MYOM3: variants seen among roughly 807,000 people sequenced by gnomAD.
The protein encoded by MYOM3 is myomesin 3.
Under a neutral mutation model 191.7 loss-of-function variants are expected in MYOM3, and 155 were observed. That is an observed-to-expected ratio of 0.81 (90% CI 0.71 to 0.92). The LOEUF (loss-of-function observed/expected upper bound fraction) is 0.92. MYOM3 is among the 40% of genes least tolerant of loss of function. The probability of loss-of-function intolerance (pLI) is 0.00; values close to 1 mark genes in which losing one functional copy is unlikely to be tolerated. For synonymous variants in MYOM3, 757 were observed against 762.9 expected, an observed-to-expected ratio of 0.99 and a Z score of 0.13; for missense variants, 1,889 against 1,890.6, an observed-to-expected ratio of 1.00 and a Z score of 0.02.
intron 3 of MYOM3, among the ~76,000 whole-genome samples, chr1:24,107,614 T>TCTCCACGC (rs1296077742): frequency 6.6e-6 from 1 of 152,092 alleles, no homozygotes; most frequent in East Asian, 1.9e-4. Context: ...GAACGCTGCC[T>TCTCCACGC]CTCCACGCCG....
rs1643897070 is a variant in MYOM3 at position 24,099,577 on chromosome 1, G to A, written c.656+103C>T. On this transcript the variant is annotated intron_variant, in intron 6 of 36. Transcript: ENST00000374434. Reference sequence around the variant, plus strand: ...CAGCACCCTAGAGACTTCTGAAGGAGGTGAACTTGGGCCTCAGCTCCGAGG... The same window carrying A: ...CAGCACCCTAGAGACTTCTGAAGGAAGTGAACTTGGGCCTCAGCTCCGAGG... 3 of 876,460 alleles carry A rather than the reference G, an allele frequency of 3.4e-6. No homozygotes were observed. In the African/African-American group the frequency reaches 5.0e-5, roughly 15 times the overall value. 54.3% of individuals were successfully genotyped at this position (876,460 alleles called of 1,614,324 possible).
In MYOM3 at chr1:24,108,043, G is replaced by A. The variant is rs980311382; in HGVS notation, c.192C>T (p.Asp64=). The change falls in exon 3 of 37, where the codon GAC becomes GAT. Residue 64 remains aspartate (D), a synonymous_variant. Coordinates refer to ENST00000374434, the MANE Select transcript of MYOM3 (RefSeq NM_152372.4). ...SEEEHEFSAA[D]YALAAALALT... ...GAGCCAGGGCTGCTGCCAGGGCGTAGTCCGCGGCGCTGAACTCATGCTCTT... is the reference window on the plus strand; with the variant it reads ...GAGCCAGGGCTGCTGCCAGGGCGTAATCCGCGGCGCTGAACTCATGCTCTT... 9 of 1,613,784 alleles carry A rather than the reference G, an allele frequency of 5.6e-6. No homozygotes were observed. The Admixed American group carries it at 1.3e-4, about 24-fold the overall frequency.
chr1:24,069,537 CT>C (rs552799727), intron 25 of MYOM3, among the ~76,000 whole-genome samples: 1 of 151,678 alleles, frequency 6.6e-6, no homozygotes, highest in Non-Finnish European at 1.5e-5. Context: ...TTTCTTTCTT[CT>C]TTTTTTTGTC....
chr1:24,106,922 G>T (rs898487117), intron 4 of MYOM3, 151 bp downstream of exon 4: 1 of 749,098 alleles, frequency 1.3e-6, no homozygotes, highest in Non-Finnish European at 2.1e-6. Flanking sequence ...GCTTGCCCGG[G>T]GTCACACCAC....
At chr1:24,106,585 A>T (rs561585503) in intron 4 of MYOM3, among the ~76,000 whole-genome samples, 27 of 152,090 alleles carry the variant, frequency 1.8e-4, no homozygotes, top group South Asian at 4.2e-4. Flanking sequence ...CTTTATTTTT[A>T]TTATTATTAT....
Position 24,067,332 on chromosome 1 carries a change from CTTTCTTTCT to C in MYOM3, c.3356-253_3356-245del, listed in dbSNP as rs1557602348. 3.1e-4 allele frequency among the ~76,000 whole-genome samples: 21 copies of C among 68,560 alleles called. 1 individual carries two copies. Among genetic ancestry groups the C allele is most frequent in the Non-Finnish European group, 4.5e-4 (15 of 33,186 alleles). The allele number at this position is 68,560 out of a possible 152,430, so 45.0% of individuals were successfully genotyped here. A position where few individuals can be genotyped will look rare whatever the true frequency, so the allele number is the denominator to read the frequency against. On this transcript the variant is annotated intron_variant, in intron 27 of 36. Transcript: ENST00000374434. ...TCTTTCTTTCTTTCTTTCCTTCTTT[CTTTCTTTCT>C]TTCTTTCTTTCTTTCTTTCTTTCTT...
chr1:24,066,617 G>A (rs1431696671), intron 28 of MYOM3: 1 of 356,922 alleles, frequency 2.8e-6, no homozygotes, highest in African/African-American at 2.1e-5. Context: ...TCTCATCTAT[G>A]AAGTGAGGAT....
chr1:24,098,114 A>C (rs1643888364), intron 6 of MYOM3, 103 bp from the exon 7 acceptor site: 5 of 788,186 alleles, frequency 6.3e-6, no homozygotes, highest in South Asian at 5.7e-5. Context: ...GGAAAGCCTC[A>C]CGGTGCCAGG....
chr1:24,098,503 C>A (rs1458573460), intron 6 of MYOM3, among the ~76,000 whole-genome samples: 1 of 152,228 alleles, frequency 6.6e-6, no homozygotes, highest in Non-Finnish European at 1.5e-5. Context: ...ACCAACCAGG[C>A]CAACCCTGTC....
Position 24,062,979 on chromosome 1 carries a change from C to G in MYOM3, c.3770+147G>C. 9.9e-6 allele frequency: 6 copies of G among 604,758 alleles called. No homozygotes were observed. The South Asian group carries it at 1.0e-4, about 11-fold the overall frequency. 37.5% of individuals were successfully genotyped at this position (604,758 alleles called of 1,614,324 possible). On this transcript the variant is annotated intron_variant, in intron 32 of 36. Transcript: ENST00000374434. ...CAGCAAGACCAGGAAGAGACTCTGT[C>G]TCTGCTAACCCCTGGGACCAGGCTC... is the stretch of plus-strand genomic sequence containing the variant.
chr1:24,068,163 G>T, intron 26 of MYOM3, 60 bp downstream of exon 26: 2 of 1,236,212 alleles, frequency 1.6e-6, no homozygotes, highest in Non-Finnish European at 2.2e-6. Context: ...TGCAGGGCAG[G>T]CCAGGTGTGC....
chr1:24,094,856 C>G lies in MYOM3; in HGVS notation c.925G>C (p.Asp309His). 6.2e-7 allele frequency: 1 copy of G among 1,611,402 alleles called. No individual in the cohort carries two copies. Among genetic ancestry groups the G allele is most frequent in the Non-Finnish European group, 8.5e-7 (1 of 1,178,548 alleles). The part of the protein sequence containing the change: ...LDAESIQWFR[D>H]GSLLRSSRRR... ...GGCCAGGACTGGGGGTCCTTACCATCTCGGAACCACTGGATGCTCTCAGCA... is the reference window on the plus strand; with the variant it reads ...GGCCAGGACTGGGGGTCCTTACCATGTCGGAACCACTGGATGCTCTCAGCA... The change falls in exon 9 of 37, where the codon GAT (aspartate) becomes CAT (histidine). Residue 309 changes from aspartate to histidine, a missense_variant. By Grantham distance (81) the Asp-to-His change is moderately conservative. Coordinates refer to ENST00000374434, the MANE Select transcript of MYOM3 (RefSeq NM_152372.4).
intron 20 of MYOM3, among the ~76,000 whole-genome samples, chr1:24,076,537 G>A (rs74487232): frequency 0.024 from 855 of 35,960 alleles, 44 homozygotes; most frequent in African/African-American, 0.038. Context: ...TTTTTGAGAC[G>A]GAGTCTCGCT....
At chr1:24,104,275 G>T (rs1346738431) in intron 5 of MYOM3, among the ~76,000 whole-genome samples, 2 of 152,146 alleles carry the variant, frequency 1.3e-5, no homozygotes, top group African/African-American at 4.8e-5. Context: ...TAGACCATAG[G>T]CTGTTCCCTG....
intron 28 of MYOM3, 161 bp downstream of exon 28, chr1:24,066,860 G>A: frequency 1.6e-6 from 1 of 630,608 alleles, no homozygotes; most frequent in South Asian, 2.4e-5. Flanking sequence ...TGCTTTTTGG[G>A]TTACGTGTGG....
Position 24,081,375 on chromosome 1 carries a change from G to A in MYOM3, c.2362C>T (p.Pro788Ser), listed in dbSNP as rs376000660. ...NWAGVGELSA[P>S]SSLFECKEWT... Reference sequence around the variant, plus strand: ...TCTTTGCACTCAAACAGGCTGCTGGGTGCCGACAGCTCGCCAACACCTGCC... The same window carrying A: ...TCTTTGCACTCAAACAGGCTGCTGGATGCCGACAGCTCGCCAACACCTGCC... Residue 788 changes from proline to serine, a missense_variant, in exon 19 of 37, where the codon CCC (proline) becomes TCC (serine). Physicochemically the swap from Pro to Ser is moderately conservative, Grantham distance 74. Transcript: ENST00000374434. 7 of 1,614,048 alleles carry A rather than the reference G, an allele frequency of 4.3e-6. No homozygotes were observed. In the South Asian group the frequency reaches 5.5e-5, roughly 13 times the overall value.
At chr1:24,075,177 C>T (rs572187681) in intron 22 of MYOM3, 142 bp downstream of exon 22, 16 of 743,402 alleles carry the variant, frequency 2.2e-5, no homozygotes, top group South Asian at 1.6e-4. Flanking sequence ...TGGCAGTCAG[C>T]GTCCTCAGTG....
At chr1:24,092,710 C>CA (rs1011039595) in intron 10 of MYOM3, among the ~76,000 whole-genome samples, 2 of 152,186 alleles carry the variant, frequency 1.3e-5, no homozygotes, top group African/African-American at 4.8e-5. Context: ...TCCAGCCCCA[C>CA]ACTCAGCTCC....
At position 24,065,878 on chromosome 1, in the gene MYOM3, G is replaced by T; in HGVS notation, c.3534+13C>A. The T allele has an allele frequency of 6.4e-7, 1 of 1,573,886 alleles. No individual in the cohort carries two copies. The highest frequency in any genetic ancestry group is 8.7e-7 in the Non-Finnish European group (1 of 1,143,240). On this transcript the variant is annotated intron_variant, in intron 29 of 36. Transcript: ENST00000374434. ...AAGGAGAAAGTGAGCCCTGAAGCTGGAGCCACACTTGCCTCTTCAATGCAG... is the reference window on the plus strand; with the variant it reads ...AAGGAGAAAGTGAGCCCTGAAGCTGTAGCCACACTTGCCTCTTCAATGCAG...
Sources: allele counts gnomAD v4.1 joint callset (sites outside exome capture counted in the v4.1 genomes callset), GRCh38; gene constraint gnomAD v4.1.1; transcripts MANE v1.5; gene names NCBI Gene and HGNC (gene_info 2026-07-23, HGNC 2026-07-21).